GALNT17: variants seen among roughly 807,000 people sequenced by gnomAD.
The protein encoded by GALNT17 is polypeptide N-acetylgalactosaminyltransferase 17, also known as UDP-GalNAc:polypeptide N-acetylgalactosaminyltransferase-like 3.
In GALNT17, 29 loss-of-function variants were observed where a neutral mutation model predicts 63.7. The observed-to-expected ratio is 0.46, with a 90% CI of 0.34 to 0.62. GALNT17 has a LOEUF of 0.62. GALNT17 is among the 20% of genes least tolerant of loss of function. GALNT17 has a pLI of 0.01. For missense variants in GALNT17, 603 were observed against 799.6 expected, an observed-to-expected ratio of 0.75 and a Z score of 2.97; for synonymous variants, 305 against 318.3, an observed-to-expected ratio of 0.96 and a Z score of 0.45.
intron 5 of GALNT17, among the ~76,000 whole-genome samples, 184 bp downstream of exon 5, chr7:71,421,289 C>G (rs1372691554): frequency 1.3e-5 from 2 of 152,164 alleles, no homozygotes; most frequent in African/African-American, 4.8e-5. Flanking sequence ...CATTTTGCAC[C>G]TTTATGTAAA....
At chr7:71,341,232 A>G (rs2116125697) in intron 2 of GALNT17, among the ~76,000 whole-genome samples, 1 of 152,318 alleles carries the variant, frequency 6.6e-6, no homozygotes, top group South Asian at 2.1e-4. Context: ...AAAGAGTTGG[A>G]AGACAGCATT....
intron 1 of GALNT17, among the ~76,000 whole-genome samples, chr7:71,145,695 G>A (rs1788007473): frequency 6.6e-6 from 1 of 151,954 alleles, no homozygotes; most frequent in Non-Finnish European, 1.5e-5. Flanking sequence ...AGTTCATACG[G>A]GTTTCTTAAT....
intron 1 of GALNT17, among the ~76,000 whole-genome samples, chr7:71,232,192 T>G (rs1253380880): frequency 6.6e-6 from 1 of 152,142 alleles, no homozygotes; most frequent in African/African-American, 2.4e-5. Flanking sequence ...TGCGCAGTCC[T>G]TCTCTCTGAG....
chr7:71,521,130 C>T (rs566359173), intron 5 of GALNT17, among the ~76,000 whole-genome samples: 1 of 152,300 alleles, frequency 6.6e-6, no homozygotes, highest in Non-Finnish European at 1.5e-5. Context: ...TGTGCACATG[C>T]ACATATGTTT....
At chr7:71,522,510 C>T (rs1012574423) in intron 5 of GALNT17, among the ~76,000 whole-genome samples, 1 of 152,142 alleles carries the variant, frequency 6.6e-6, no homozygotes. Context: ...CCATGCAAAA[C>T]AGGTTTCCCC....
At chr7:71,605,281 A>G (rs1790028537) in intron 6 of GALNT17, among the ~76,000 whole-genome samples, 1 of 152,200 alleles carries the variant, frequency 6.6e-6, no homozygotes, top group Non-Finnish European at 1.5e-5. Flanking sequence ...TTTCCGACAG[A>G]GGACTGGGTT....
chr7:71,454,669 A>T, intron 5 of GALNT17, among the ~76,000 whole-genome samples: 1 of 152,154 alleles, frequency 6.6e-6, no homozygotes, highest in East Asian at 1.9e-4. Flanking sequence ...AGGAGTCATA[A>T]ATATTTACCA....
chr7:71,202,189 C>CT (rs2116369903), intron 1 of GALNT17, among the ~76,000 whole-genome samples: 1 of 151,998 alleles, frequency 6.6e-6, no homozygotes, highest in East Asian at 1.9e-4. Context: ...AAAAGTTTTC[C>CT]AGGGCAAAAG....
At chr7:71,621,369 T>C (rs1378809855) in intron 6 of GALNT17, among the ~76,000 whole-genome samples, 2 of 152,212 alleles carry the variant, frequency 1.3e-5, no homozygotes, top group African/African-American at 2.4e-5. Context: ...ATTTTATTCA[T>C]CAGTGTATCA....
At chr7:71,539,181 C>T (rs1788847599) in intron 5 of GALNT17, among the ~76,000 whole-genome samples, 1 of 152,120 alleles carries the variant, frequency 6.6e-6, no homozygotes, top group Non-Finnish European at 1.5e-5. Flanking sequence ...ATCTGCACCT[C>T]TTGGCCTCCC....
At chr7:71,531,238 AAAT>A (rs1788715873) in intron 5 of GALNT17, among the ~76,000 whole-genome samples, 1 of 152,204 alleles carries the variant, frequency 6.6e-6, no homozygotes, top group Non-Finnish European at 1.5e-5. Flanking sequence ...CATCAATTAA[AAAT>A]AATAGTAAAA....
intron 1 of GALNT17, among the ~76,000 whole-genome samples, chr7:71,136,326 T>C (rs2116145323): frequency 6.6e-6 from 1 of 152,300 alleles, no homozygotes. Flanking sequence ...ATGGAGAGGC[T>C]GCTAGAGCCA....
intron 5 of GALNT17, among the ~76,000 whole-genome samples, chr7:71,480,063 C>T (rs992925421): frequency 2.6e-5 from 4 of 151,776 alleles, no homozygotes; most frequent in African/African-American, 9.7e-5. Context: ...TTTTCAAGGC[C>T]ACACTAACCC....
intron 5 of GALNT17, among the ~76,000 whole-genome samples, chr7:71,472,752 A>T (rs915013887): frequency 6.6e-6 from 1 of 152,202 alleles, no homozygotes; most frequent in African/African-American, 2.4e-5. Context: ...TCTGGATATC[A>T]TATTATAACA....
chr7:71,643,209 C>A (rs1453045047), intron 6 of GALNT17, among the ~76,000 whole-genome samples: 5 of 152,122 alleles, frequency 3.3e-5, no homozygotes, highest in African/African-American at 7.2e-5. Flanking sequence ...AGGCTCACAC[C>A]TGTAATCCCA....
rs140664251 is a variant in GALNT17, at chr7:71,458,504, C to T, written c.962+37399C>T. Among the ~76,000 whole-genome samples the T allele has an allele frequency of 9.4e-3, 1,426 of 152,330 alleles. 13 individuals carry two copies. The highest frequency in any genetic ancestry group is 0.015 in the Non-Finnish European group (1,026 of 68,030). ...TACTCAGATACATTTAGCTCAGTTG[C>T]AGTGCTCCTTTAGCTCTGCTACCTA... On this transcript the variant is annotated intron_variant, in intron 5 of 10. Transcript: ENST00000333538.
chr7:71,430,797 G>A (rs1356411272), intron 5 of GALNT17, among the ~76,000 whole-genome samples: 1 of 152,098 alleles, frequency 6.6e-6, no homozygotes, highest in Non-Finnish European at 1.5e-5. Flanking sequence ...CTCCCTAAAG[G>A]AATATGACTG....
chr7:71,206,713 G>A (rs1342399232), intron 1 of GALNT17, among the ~76,000 whole-genome samples: 1 of 152,068 alleles, frequency 6.6e-6, no homozygotes, highest in Non-Finnish European at 1.5e-5. Flanking sequence ...CTTGATCAGG[G>A]TCTCATATTT....
chr7:71,494,283 C>T (rs1402305022), intron 5 of GALNT17, among the ~76,000 whole-genome samples: 2 of 152,116 alleles, frequency 1.3e-5, no homozygotes, highest in Non-Finnish European at 2.9e-5. Flanking sequence ...CACCTCCCAC[C>T]AGGCCCCTCC....
Sources: allele counts gnomAD v4.1 joint callset (sites outside exome capture counted in the v4.1 genomes callset), GRCh38; gene constraint gnomAD v4.1.1; transcripts MANE v1.5; gene names NCBI Gene and HGNC (gene_info 2026-07-23, HGNC 2026-07-21).